The following ATP6V1C2 variants were observed in gnomAD, a reference collection of about 807,000 sequenced individuals.
ATP6V1C2 encodes ATPase H+ transporting V1 subunit C2.
ATP6V1C2 carries 45 observed loss-of-function variants against 56.8 expected under a neutral mutation model. The observed-to-expected ratio is 0.79, with a 90% CI of 0.62 to 1.02. ATP6V1C2 has a LOEUF of 1.02. Ranked by LOEUF, ATP6V1C2 falls within the 50% of genes least tolerant of loss-of-function variation. The pLI, the probability that ATP6V1C2 is intolerant of heterozygous loss-of-function variation, is 0.00. For synonymous variants in ATP6V1C2, 220 were observed against 201.3 expected (o/e 1.09, Z -0.79); for missense variants, 463 against 519.7 (o/e 0.89, Z 1.06).
At chr2:10,768,614 G>T in intron 5 of ATP6V1C2, 105 bp from the exon 6 acceptor site, 1 of 930,534 alleles carries the variant, frequency 1.1e-6, no homozygotes. Flanking sequence ...GGGCAGGGCA[G>T]TTATTTTTCT....
intron 3 of ATP6V1C2, among the ~76,000 whole-genome samples, chr2:10,726,969 C>T (rs938286606): frequency 3.3e-5 from 5 of 152,090 alleles, no homozygotes; most frequent in Admixed American, 6.5e-5. Context: ...CCTAGCTACT[C>T]CACAGGTTAA....
intron 3 of ATP6V1C2, among the ~76,000 whole-genome samples, chr2:10,749,452 C>T (rs1663095021): frequency 6.6e-6 from 1 of 152,106 alleles, no homozygotes. Flanking sequence ...AGATGTCCAG[C>T]CTCACTGATG....
intron 3 of ATP6V1C2, among the ~76,000 whole-genome samples, chr2:10,729,933 C>G (rs1313530027): frequency 6.6e-6 from 1 of 152,202 alleles, no homozygotes; most frequent in Admixed American, 6.5e-5. Context: ...AGTGCTCTGA[C>G]TGCTTCCTTA....
intron 3 of ATP6V1C2, among the ~76,000 whole-genome samples, chr2:10,741,988 G>T (rs1180217300): frequency 6.6e-6 from 1 of 151,782 alleles, no homozygotes; most frequent in Non-Finnish European, 1.5e-5. Flanking sequence ...TTGGCTCGCT[G>T]CAATCTCGCT....
chr2:10,733,664 T>TA (rs939455954), intron 3 of ATP6V1C2, among the ~76,000 whole-genome samples: 16 of 151,492 alleles, frequency 1.1e-4, no homozygotes, highest in Non-Finnish European at 1.5e-4. Flanking sequence ...CTCCCTGTTT[T>TA]AAAAAAAAAG....
chr2:10,781,251 G>A (rs74963645), intron 12 of ATP6V1C2, among the ~76,000 whole-genome samples: 12,516 of 152,222 alleles, frequency 0.082, 656 homozygotes, highest in South Asian at 0.15. Flanking sequence ...TGGGGGAGGA[G>A]CGCCTTAAGC....
intron 3 of ATP6V1C2, among the ~76,000 whole-genome samples, chr2:10,748,131 C>T (rs1459786534): frequency 6.6e-6 from 1 of 152,156 alleles, no homozygotes; most frequent in African/African-American, 2.4e-5. Flanking sequence ...CTCCTGACCT[C>T]GTGGTCCACT....
rs921859336 is a variant in ATP6V1C2 at position 10,721,695 on chromosome 2, G to GC, written c.-58dup. On this transcript the variant is annotated 5_prime_UTR_variant, in exon 1 of 14. Transcript: ENST00000272238. ...CCGCACCCGCCGCCCGTCGCCCGCA[G>GC]CCCCCTACCGCGCGGCCCGCGCCCC... The GC allele has an allele frequency of 1.4e-4, 21 of 151,686 alleles. No individual in the cohort carries two copies. Among genetic ancestry groups the GC allele is most frequent in the African/African-American group, 5.1e-4 (21 of 41,354 alleles). The allele number at this position is 151,686 out of a possible 1,614,324, so 9.4% of individuals were successfully genotyped here. A position where few individuals can be genotyped will look rare whatever the true frequency, so the allele number is the denominator to read the frequency against.
chr2:10,741,484 G>A (rs1354255193), intron 3 of ATP6V1C2, among the ~76,000 whole-genome samples: 2 of 152,112 alleles, frequency 1.3e-5, no homozygotes, highest in Non-Finnish European at 2.9e-5. Flanking sequence ...AGGTGTGGGG[G>A]CCCCTCTTGT....
intron 3 of ATP6V1C2, among the ~76,000 whole-genome samples, chr2:10,739,404 C>G (rs1263573755): frequency 6.6e-6 from 1 of 152,090 alleles, no homozygotes; most frequent in Non-Finnish European, 1.5e-5. Flanking sequence ...CTTCCAGACC[C>G]CTAGCTTCCT....
chr2:10,777,591 TC>T lies in ATP6V1C2; in HGVS notation c.834del (p.Cys279ValfsTer18). ...LSDKKQQYQT[S>X]CVALKKGSST... ...ATCATTTCTGTGCCTTTAGCAAACT[TC>T]CTGTGTTGCTCTTAAAAAGGGATCA... is the stretch of plus-strand genomic sequence containing the variant. On this transcript the variant is annotated frameshift_variant, in exon 11 of 14. Coordinates refer to ENST00000272238, the MANE Select transcript of ATP6V1C2 (RefSeq NM_001039362.2). LOFTEE classifies it high-confidence loss of function. The T allele has an allele frequency of 6.2e-7, 1 of 1,611,390 alleles. No individual in the cohort carries two copies. The highest frequency in any genetic ancestry group is 1.1e-5 in the South Asian group (1 of 90,414).
chr2:10,741,823 C>T lies in ATP6V1C2; in HGVS notation c.198-12158C>T, dbSNP rs116400180. Among the ~76,000 whole-genome samples the T allele has an allele frequency of 1.9e-3, 289 of 152,208 alleles. 1 individual carries two copies. The highest frequency in any genetic ancestry group is 6.7e-3 in the African/African-American group (278 of 41,534). ...AGAGAAGCTCCCAGATGCCCTCCCT[C>T]CGATCCTGCCGTGTAACCTGGTTGC... is the stretch of plus-strand genomic sequence containing the variant. On this transcript the variant is annotated intron_variant, in intron 3 of 13. Coordinates refer to ENST00000272238, the MANE Select transcript of ATP6V1C2 (RefSeq NM_001039362.2).
chr2:10,746,508 G>A (rs1662925074), intron 3 of ATP6V1C2, among the ~76,000 whole-genome samples: 1 of 151,282 alleles, frequency 6.6e-6, no homozygotes, highest in Non-Finnish European at 1.5e-5. Context: ...CACCTCCCAG[G>A]TTCAAGCAAT....
chr2:10,771,890 C>T lies in ATP6V1C2; in HGVS notation c.522C>T (p.Phe174=), dbSNP rs574141383. The change falls in exon 7 of 14, where the codon TTC becomes TTT. Residue 174 remains phenylalanine (F), a synonymous_variant. Coordinates refer to ENST00000272238, the MANE Select transcript of ATP6V1C2 (RefSeq NM_001039362.2). ...GTGATATTGTGAGCAAAGAGGACTT[C>T]GTGCTGGATTCTGAATATCTCGTCA... ...TLSDIVSKED[F]VLDSEYLVTL... The T allele has an allele frequency of 8.1e-6, 13 of 1,614,168 alleles. No homozygotes were observed. The highest frequency in any genetic ancestry group is 3.3e-5 in the South Asian group (3 of 91,086).
chr2:10,740,291 T>C (rs532617388), intron 3 of ATP6V1C2, among the ~76,000 whole-genome samples: 48 of 152,300 alleles, frequency 3.2e-4, no homozygotes, highest in African/African-American at 1.1e-3. Context: ...AATGTGCATT[T>C]CTTGGATTTC....
intron 3 of ATP6V1C2, 117 bp downstream of exon 3, chr2:10,726,686 G>C: frequency 1.1e-6 from 1 of 947,958 alleles, no homozygotes; most frequent in South Asian, 1.4e-5. Flanking sequence ...GGTTCCAAAA[G>C]TGAGCAGAGA....
intron 11 of ATP6V1C2, 74 bp downstream of exon 11, chr2:10,777,796 T>C (rs1665095031): frequency 6.6e-7 from 1 of 1,522,620 alleles, no homozygotes. Context: ...TCTGGGAAAA[T>C]GAATCCTTGC....
At chr2:10,764,826 C>T (rs1050438333) in intron 5 of ATP6V1C2, among the ~76,000 whole-genome samples, 13 of 152,136 alleles carry the variant, frequency 8.5e-5, no homozygotes, top group Non-Finnish European at 1.6e-4. Context: ...CAAAAATTAG[C>T]CAGGCGTGGT....
At chr2:10,735,763 C>A (rs975986339) in intron 3 of ATP6V1C2, among the ~76,000 whole-genome samples, 1 of 149,972 alleles carries the variant, frequency 6.7e-6, no homozygotes, top group African/African-American at 2.5e-5. Flanking sequence ...TTTCATTTCT[C>A]TTTTGTAGAG....
Sources: gnomAD v4.1 joint callset for allele counts (sites outside exome capture counted in the v4.1 genomes callset) on GRCh38, gnomAD v4.1.1 for gene constraint, MANE v1.5 for transcripts, NCBI Gene and HGNC (gene_info 2026-07-23, HGNC 2026-07-21) for gene names.